Variants in ADAP1 observed in about 807,000 individuals in gnomAD.
The protein encoded by ADAP1 is arf-GAP with dual PH domain-containing protein 1.
In ADAP1, 31 loss-of-function variants were observed where a neutral mutation model predicts 54.9. The ratio of observed to expected loss-of-function variants is 0.56; its 90% confidence interval spans 0.42 to 0.76. The LOEUF is 0.76. Among genes scored for constraint, ADAP1 ranks in the 30% least tolerant of loss-of-function variants. ADAP1 has a pLI of 0.00. For synonymous variants in ADAP1, 313 were observed against 202.6 expected, an observed-to-expected ratio of 1.55 and a Z score of -4.63; for missense variants, 535 against 512.4, an observed-to-expected ratio of 1.04 and a Z score of -0.42.
At chr7:909,788 C>T (rs1845644453) in intron 4 of ADAP1, among the ~76,000 whole-genome samples, 1 of 152,176 alleles carries the variant, frequency 6.6e-6, no homozygotes, top group East Asian at 1.9e-4. Flanking sequence ...CAGTATTTAT[C>T]AAACAGCTAC....
At chr7:914,941 G>A (rs909026578) in intron 4 of ADAP1, among the ~76,000 whole-genome samples, 2 of 151,824 alleles carry the variant, frequency 1.3e-5, no homozygotes, top group Non-Finnish European at 2.9e-5. Flanking sequence ...GTGGGTGTCA[G>A]TGGGCCCTGA....
intron 1 of ADAP1, among the ~76,000 whole-genome samples, chr7:936,578 C>T (rs911926843): frequency 1.3e-5 from 2 of 152,240 alleles, no homozygotes; most frequent in Non-Finnish European, 2.9e-5. Flanking sequence ...TCCAGCCCCG[C>T]CCTGGGGCGA....
chr7:935,800 C>G (rs979845121), intron 1 of ADAP1, among the ~76,000 whole-genome samples: 2 of 152,204 alleles, frequency 1.3e-5, no homozygotes, highest in African/African-American at 4.8e-5. Flanking sequence ...GCCGGCCCCA[C>G]AGGAGCCCAT....
At chr7:907,071 C>T (rs73672463) in intron 4 of ADAP1, among the ~76,000 whole-genome samples, 13 of 152,178 alleles carry the variant, frequency 8.5e-5, no homozygotes, top group Admixed American at 2.0e-4. Context: ...CTCAGCCGTC[C>T]GCAGCTGCTG....
intron 1 of ADAP1, among the ~76,000 whole-genome samples, chr7:940,817 C>T (rs1008354256): frequency 9.2e-5 from 14 of 152,298 alleles, no homozygotes; most frequent in Admixed American, 5.2e-4. Context: ...GTTGGTTTAA[C>T]ATTTGACCAT....
At chr7:904,086 C>T (rs369166492) in intron 6 of ADAP1, 40 bp downstream of exon 6, 3 of 1,606,492 alleles carry the variant, frequency 1.9e-6, no homozygotes, top group East Asian at 2.2e-5. Context: ...AGGGCCCACC[C>T]TCCTGTGCCA....
At chr7:906,796 CA>C (rs1464935183) in intron 4 of ADAP1, among the ~76,000 whole-genome samples, 12 of 34,212 alleles carry the variant, frequency 3.5e-4, no homozygotes, top group African/African-American at 1.3e-3. Context: ...GGGGACGGGA[CA>C]GGGGACATGG....
chr7:911,928 TG>T (rs1032512177), intron 4 of ADAP1, among the ~76,000 whole-genome samples: 3 of 152,066 alleles, frequency 2.0e-5, no homozygotes, highest in Admixed American at 6.5e-5. Context: ...CCCACAGCTC[TG>T]GCCTGGCCCC....
At chr7:899,601 C>A in intron 8 of ADAP1, 111 bp from the exon 9 acceptor site, 1 of 1,233,092 alleles carries the variant, frequency 8.1e-7, no homozygotes, top group Non-Finnish European at 1.1e-6. Flanking sequence ...GGTCAGTCAC[C>A]TCCATTCACT....
At chr7:902,089 G>A (rs1039438719) in intron 6 of ADAP1, among the ~76,000 whole-genome samples, 3 of 151,930 alleles carry the variant, frequency 2.0e-5, no homozygotes, top group African/African-American at 7.3e-5. Context: ...GCCCTGGGCG[G>A]GGGGAATTAT....
intron 4 of ADAP1, among the ~76,000 whole-genome samples, chr7:916,128 G>C (rs896439348): frequency 1.3e-5 from 2 of 152,174 alleles, no homozygotes; most frequent in Non-Finnish European, 2.9e-5. Context: ...CAGAGGTGAC[G>C]AGACAGGGAC....
chr7:921,037 TC>T, intron 3 of ADAP1: 1 of 592,984 alleles, frequency 1.7e-6, no homozygotes, highest in Non-Finnish European at 3.0e-6. Flanking sequence ...TGTGTGTGTG[TC>T]CCCCACCTGC....
rs1222040947 is a variant in ADAP1 at position 945,251 on chromosome 7, A to G, written c.82+9145T>C. Among the ~76,000 whole-genome samples the G allele has an allele frequency of 1.3e-5, 2 of 152,210 alleles. No homozygotes were observed. Among genetic ancestry groups the G allele is most frequent in the African/African-American group, 4.8e-5 (2 of 41,458 alleles). On this transcript the variant is annotated intron_variant, in intron 1 of 10. Coordinates refer to ENST00000265846, the MANE Select transcript of ADAP1 (RefSeq NM_006869.4). This position sits in a 1 kb window ranked among gnomAD's most constrained non-coding sequence, Gnocchi z 4.2. ...CCTGCCTGCATCCGCAAATGCCCGCAGCCCATCGGAGCGAAAAGGGGCGGG... is the reference window on the plus strand; with the variant it reads ...CCTGCCTGCATCCGCAAATGCCCGCGGCCCATCGGAGCGAAAAGGGGCGGG...
At chr7:904,333 G>A (rs530508558) in intron 5 of ADAP1, 61 bp from the exon 6 acceptor site, 3 of 1,519,742 alleles carry the variant, frequency 2.0e-6, no homozygotes, top group Admixed American at 2.1e-5. Context: ...AAGGGAGCAG[G>A]AAGGGCAGAC....
chr7:926,492 G>T lies in ADAP1; in HGVS notation c.305+61C>A, dbSNP rs1203957469. 1 of 1,423,124 alleles carries T rather than the reference G, an allele frequency of 7.0e-7. No homozygotes were observed. The highest frequency in any genetic ancestry group is 9.3e-7 in the Non-Finnish European group (1 of 1,070,424). 88.2% of individuals were successfully genotyped at this position (1,423,124 alleles called of 1,614,324 possible). ...CTCCCCACCCTGCCGGGTCCTCCCG[G>T]GGCCATCTCGGAGCCACCCAGCACT... On this transcript the variant is annotated intron_variant, in intron 3 of 10. Transcript: ENST00000265846. This position sits in a 1 kb window ranked among gnomAD's most constrained non-coding sequence, Gnocchi z 4.6.
chr7:906,737 CAGA>C (rs1845445539), intron 4 of ADAP1, among the ~76,000 whole-genome samples: 1 of 37,336 alleles, frequency 2.7e-5, no homozygotes, highest in Admixed American at 2.8e-4. Flanking sequence ...ACATGGGGGA[CAGA>C]GTACATAGGG....
chr7:900,903 T>C (rs537098666), intron 6 of ADAP1: 18 of 572,760 alleles, frequency 3.1e-5, no homozygotes, highest in East Asian at 8.2e-5. Flanking sequence ...CGGGCCGGGC[T>C]GGACAGGGTC....
chr7:923,023 C>T (rs921741074), intron 3 of ADAP1: 2 of 152,008 alleles, frequency 1.3e-5, no homozygotes, highest in African/African-American at 2.4e-5. Flanking sequence ...CAGGGTGGCC[C>T]CCAATCCAAC....
intron 4 of ADAP1, among the ~76,000 whole-genome samples, chr7:918,201 C>T (rs966650904): frequency 2.0e-5 from 3 of 152,168 alleles, no homozygotes; most frequent in Non-Finnish European, 2.9e-5. Context: ...GAACCACCGG[C>T]GTGAGCCACC....
Sources: gnomAD v4.1 joint callset for allele counts (sites outside exome capture counted in the v4.1 genomes callset) on GRCh38, gnomAD v4.1.1 for gene constraint, Gnocchi (gnomAD v3.1) non-coding constraint, MANE v1.5 for transcripts, NCBI Gene and HGNC (gene_info 2026-07-23, HGNC 2026-07-21) for gene names.